Variants in ZMYM4 observed in about 807,000 individuals in gnomAD.
ZMYM4 encodes zinc finger MYM-type protein 4.
In ZMYM4, 31 loss-of-function variants were observed where a neutral mutation model predicts 183.2. The ratio of observed to expected loss-of-function variants is 0.17; its 90% CI spans 0.13 to 0.23. The LOEUF (loss-of-function observed/expected upper bound fraction) is 0.23, where lower values mean the gene tolerates loss of function less well. ZMYM4 is among the 10% of genes least tolerant of loss of function. The pLI is 1.00. For synonymous variants in ZMYM4, 592 were observed against 631.2 expected (o/e 0.94, Z 0.93); for missense variants, 1,273 against 1,840.3 (o/e 0.69, Z 5.64).
chr1:35,394,429 T>C (rs1019422323), intron 18 of ZMYM4, among the ~76,000 whole-genome samples: 20 of 152,066 alleles, frequency 1.3e-4, no homozygotes, highest in Non-Finnish European at 2.9e-5. Flanking sequence ...TTGCCCGTAC[T>C]CACCAGGAAT....
At chr1:35,398,392 T>A in intron 20 of ZMYM4, 21 bp from the exon 21 acceptor site, 1 of 1,603,030 alleles carries the variant, frequency 6.2e-7, no homozygotes, top group Non-Finnish European at 8.5e-7. Flanking sequence ...AAATTATTTA[T>A]GTGCTTTTCT....
rs1157794867 is a variant in ZMYM4, at chr1:35,389,924, C to G, written c.2437-24C>G. On this transcript the variant is annotated intron_variant, in intron 14 of 29. Transcript: ENST00000314607. This position sits in a 1 kb window ranked among gnomAD's most constrained non-coding sequence, Gnocchi z 4.0. Reference sequence around the variant, plus strand: ...GACCACAGATAATTTGTTTCTTACTCCTTGACTACCTTCTTCTTTTTAGAT... The same window carrying G: ...GACCACAGATAATTTGTTTCTTACTGCTTGACTACCTTCTTCTTTTTAGAT... 6.3e-7 allele frequency: 1 copy of G among 1,593,752 alleles called. No individual in the cohort carries two copies. Among genetic ancestry groups the G allele is most frequent in the Admixed American group, 1.7e-5 (1 of 58,648 alleles).
chr1:35,410,188 T>G (rs1639824438), intron 26 of ZMYM4, among the ~76,000 whole-genome samples: 1 of 152,020 alleles, frequency 6.6e-6, no homozygotes, highest in Non-Finnish European at 1.5e-5. Context: ...ACTAGGAGAA[T>G]AGCATCAAGC....
chr1:35,411,810 T>C (rs997241823), intron 26 of ZMYM4, among the ~76,000 whole-genome samples: 16 of 152,194 alleles, frequency 1.1e-4, no homozygotes, highest in African/African-American at 3.9e-4. Flanking sequence ...GTGTAAGTCT[T>C]ACAACATTTT....
At chr1:35,372,870 T>C (rs1469715105) in intron 7 of ZMYM4, among the ~76,000 whole-genome samples, 1 of 152,186 alleles carries the variant, frequency 6.6e-6, no homozygotes, top group Admixed American at 6.5e-5. Flanking sequence ...TAAAATATGA[T>C]GTTGTGGCTG....
Position 35,370,385 on chromosome 1 carries a change from T to G in ZMYM4, c.939T>G (p.Thr313=), listed in dbSNP as rs1380298204. The G allele has an allele frequency of 1.3e-6, 1 of 743,380 alleles. No individual in the cohort carries two copies. Among genetic ancestry groups the G allele is most frequent in the East Asian group, 4.0e-5 (1 of 24,738 alleles). 46.0% of individuals were successfully genotyped at this position (743,380 alleles called of 1,614,324 possible). A position where few individuals can be genotyped will look rare whatever the true frequency, so the allele number is the denominator to read the frequency against. ...VSGSPLAPQL[T]TGFQPSLASS... ...TTTTTTTTAAAGCTCCACAGTTGAC[T>G]ACTGGCTTTCAGCCCTCACTGGCGT... The change falls in exon 7 of 30, where the codon ACT becomes ACG. Residue 313 remains threonine, a synonymous_variant. Transcript: ENST00000314607.
At chr1:35,403,410 C>T (rs1177400535) in intron 23 of ZMYM4, among the ~76,000 whole-genome samples, 1 of 152,232 alleles carries the variant, frequency 6.6e-6, no homozygotes, top group Middle Eastern at 3.4e-3. Context: ...CTCAGCCTTC[C>T]AAGTAGCTGG....
At chr1:35,303,573 T>C (rs149227800) in intron 1 of ZMYM4, among the ~76,000 whole-genome samples, 1 of 152,240 alleles carries the variant, frequency 6.6e-6, no homozygotes, top group East Asian at 1.9e-4. Flanking sequence ...ACCGATCTAA[T>C]GTTTGGATTT....
At chr1:35,350,223 GAA>G (rs34466044) in intron 2 of ZMYM4, among the ~76,000 whole-genome samples, 35 of 72,414 alleles carry the variant, frequency 4.8e-4, no homozygotes, top group East Asian at 4.5e-3. Context: ...ACTCCATCTT[GAA>G]AAAAAAAAAA....
At chr1:35,321,311 C>T (rs1642272902) in intron 1 of ZMYM4, among the ~76,000 whole-genome samples, 1 of 152,072 alleles carries the variant, frequency 6.6e-6, no homozygotes, top group Non-Finnish European at 1.5e-5. Context: ...AGAGGAGTAG[C>T]AGCTTTAGCT....
Position 35,369,973 on chromosome 1 carries a change from T to A in ZMYM4, c.841-56T>A, listed in dbSNP as rs1644168411. ...GTAAAATGTCTTGAATGTCTGGATG[T>A]CTTTAGGTATTTATTCTTTTCTCTA... On this transcript the variant is annotated intron_variant, in intron 5 of 29. Coordinates refer to ENST00000314607, the MANE Select transcript of ZMYM4 (RefSeq NM_005095.3). The A allele has an allele frequency of 1.2e-5, 15 of 1,286,114 alleles. No individual in the cohort carries two copies. The East Asian group carries it at 1.5e-4, about 13-fold the overall frequency. The allele number at this position is 1,286,114 out of a possible 1,614,324, so 79.7% of individuals were successfully genotyped here.
chr1:35,288,405 G>A (rs140412815), intron 1 of ZMYM4, among the ~76,000 whole-genome samples: 141 of 152,274 alleles, frequency 9.3e-4, no homozygotes, highest in African/African-American at 3.2e-3. Context: ...GTGGCGAAAG[G>A]CAGCTTGCCT....
intron 2 of ZMYM4, among the ~76,000 whole-genome samples, chr1:35,344,445 A>G (rs1643318038): frequency 6.6e-6 from 1 of 152,018 alleles, no homozygotes; most frequent in Non-Finnish European, 1.5e-5. Flanking sequence ...ATTCAGTCTT[A>G]AACTGTTAAG....
intron 9 of ZMYM4, 135 bp downstream of exon 9, chr1:35,381,893 C>T: frequency 9.0e-7 from 1 of 1,114,604 alleles, no homozygotes; most frequent in Non-Finnish European, 1.2e-6. Context: ...ACCTGTAATC[C>T]CAGCACTTTG....
At position 35,280,803 on chromosome 1, in the gene ZMYM4, T is replaced by C. The variant is rs571590985; in HGVS notation, c.39+11718T>C. On this transcript the variant is annotated intron_variant, in intron 1 of 29. Coordinates refer to ENST00000314607, the MANE Select transcript of ZMYM4 (RefSeq NM_005095.3). ...GACACTCTTCATTGGATTTAGGGCC[T>C]ACTCTAATTCAGGATGATCTCATTT... 8.5e-5 allele frequency among the ~76,000 whole-genome samples: 13 copies of C among 152,262 alleles called. 2 individuals carry two copies. Among genetic ancestry groups the C allele is most frequent in the African/African-American group, 2.6e-4 (11 of 41,550 alleles).
chr1:35,377,154 ACCT>A (rs1460998867), intron 7 of ZMYM4, among the ~76,000 whole-genome samples: 1 of 151,894 alleles, frequency 6.6e-6, no homozygotes, highest in Non-Finnish European at 1.5e-5. Flanking sequence ...TGATCTGCCC[ACCT>A]CAGCCTCCCA....
intron 1 of ZMYM4, among the ~76,000 whole-genome samples, chr1:35,297,696 C>A (rs1258753563): frequency 2.0e-5 from 3 of 152,112 alleles, no homozygotes; most frequent in Non-Finnish European, 4.4e-5. Context: ...AAGGTACTTG[C>A]TTTAGTTGGC....
At chr1:35,280,357 C>T (rs901852780) in intron 1 of ZMYM4, among the ~76,000 whole-genome samples, 6 of 151,932 alleles carry the variant, frequency 3.9e-5, no homozygotes, top group South Asian at 2.1e-4. Flanking sequence ...AGGCTGATCT[C>T]GAACTCATGA....
rs186752000 is a variant in ZMYM4 at position 35,352,573 on chromosome 1, A to G, written c.86-6352A>G. Among the ~76,000 whole-genome samples, 6 of 152,188 alleles carry G rather than the reference A, an allele frequency of 3.9e-5. No individual in the cohort carries two copies. In the East Asian group the frequency reaches 1.2e-3, roughly 29 times the overall value. On this transcript the variant is annotated intron_variant, in intron 2 of 29. Coordinates refer to ENST00000314607, the MANE Select transcript of ZMYM4 (RefSeq NM_005095.3). ...GGGATCACTCCACTCTGACTTGTACACTCATTTTCCCACTGATGTAGCTGT... is the reference window on the plus strand; with the variant it reads ...GGGATCACTCCACTCTGACTTGTACGCTCATTTTCCCACTGATGTAGCTGT...
Sources: allele counts gnomAD v4.1 joint callset (sites outside exome capture counted in the v4.1 genomes callset), GRCh38; gene constraint gnomAD v4.1.1; non-coding constraint Gnocchi (gnomAD v3.1); transcripts MANE v1.5; gene names NCBI Gene and HGNC (gene_info 2026-07-23, HGNC 2026-07-21).